The following LHFPL3 variants were observed in gnomAD, a reference collection of about 807,000 sequenced individuals.
The protein encoded by LHFPL3 is LHFPL tetraspan subfamily member 3.
A neutral mutation model predicts 19.3 loss-of-function variants in LHFPL3; 5 were observed. The ratio of observed to expected loss-of-function variants is 0.26; its 90% confidence interval spans 0.14 to 0.54. The LOEUF (loss-of-function observed/expected upper bound fraction) is 0.54, where lower values mean the gene tolerates loss of function less well. Among genes scored for constraint, LHFPL3 ranks in the 20% least tolerant of loss-of-function variants. LHFPL3 has a pLI of 0.94. For missense variants in LHFPL3, 249 were observed against 307.4 expected (o/e 0.81, Z 1.42); for synonymous variants, 133 against 126.2 (o/e 1.05, Z -0.36).
chr7:104,634,720 C>T (rs890218523), intron 1 of LHFPL3, among the ~76,000 whole-genome samples: 4 of 152,160 alleles, frequency 2.6e-5, no homozygotes. Flanking sequence ...CAAAGAACTA[C>T]AGGTCCTTAA....
chr7:104,821,024 T>A (rs2116523355), intron 2 of LHFPL3, among the ~76,000 whole-genome samples: 1 of 152,294 alleles, frequency 6.6e-6, no homozygotes, highest in African/African-American at 2.4e-5. Flanking sequence ...CCAAGAGGCC[T>A]GCCTCCCAAA....
In LHFPL3 at chr7:104,725,180, GT is replaced by G. The variant is rs570479042; in HGVS notation, c.446-11486del. On this transcript the variant is annotated intron_variant, in intron 1 of 2. Coordinates refer to ENST00000424859, the MANE Select transcript of LHFPL3 (RefSeq NM_199000.3). ...TTAATTCAGAGTTAATTCTACCTCTGTTTTTTTTTATCCCAATTTGTAACTT... is the reference window on the plus strand; with the variant it reads ...TTAATTCAGAGTTAATTCTACCTCTGTTTTTTTTATCCCAATTTGTAACTT... Among the ~76,000 whole-genome samples, 400 of 151,288 alleles carry G rather than the reference GT, an allele frequency of 2.6e-3. 6 individuals are homozygous for G. Among genetic ancestry groups the G allele is most frequent in the African/African-American group, 8.1e-3 (333 of 41,294 alleles).
intron 1 of LHFPL3, among the ~76,000 whole-genome samples, chr7:104,361,550 C>G (rs1299831936): frequency 6.6e-6 from 1 of 152,130 alleles, no homozygotes; most frequent in East Asian, 1.9e-4. Context: ...TGGCCCCGCA[C>G]TACTTTGTGA....
At chr7:104,696,881 G>A (rs2116157915) in intron 1 of LHFPL3, among the ~76,000 whole-genome samples, 1 of 152,272 alleles carries the variant, frequency 6.6e-6, no homozygotes, top group South Asian at 2.1e-4. Context: ...TGGGGCTTCT[G>A]TTTATAAGCC....
chr7:104,667,270 G>GGGA (rs1200374488), intron 1 of LHFPL3, among the ~76,000 whole-genome samples: 1 of 151,764 alleles, frequency 6.6e-6, no homozygotes, highest in Non-Finnish European at 1.5e-5. Flanking sequence ...TTCTTGGGGG[G>GGGA]GGGAATCTTT....
intron 1 of LHFPL3, among the ~76,000 whole-genome samples, chr7:104,510,550 A>T (rs970670084): frequency 1.2e-4 from 19 of 152,186 alleles, no homozygotes; most frequent in African/African-American, 4.6e-4. Context: ...CTCAACATGG[A>T]TTGCAGAGTT....
chr7:104,902,553 G>A (rs568576811), intron 2 of LHFPL3, among the ~76,000 whole-genome samples: 1 of 152,124 alleles, frequency 6.6e-6, no homozygotes, highest in African/African-American at 2.4e-5. Context: ...TTGGGAGGCC[G>A]AGGTGGGTGG....
At chr7:104,653,723 C>T (rs951628615) in intron 1 of LHFPL3, among the ~76,000 whole-genome samples, 6 of 152,182 alleles carry the variant, frequency 3.9e-5, no homozygotes, top group Non-Finnish European at 8.8e-5. Flanking sequence ...TTTCATAGAA[C>T]GCTTTGACAT....
rs529299715 is a variant in LHFPL3, at chr7:104,502,223, G to A, written c.445+172999G>A. ...CACATTGCTTTCTATGTTACATGAG[G>A]AAGCAAAATGCAACTTGCTTGCTAA... On this transcript the variant is annotated intron_variant, in intron 1 of 2. Coordinates refer to ENST00000424859, the MANE Select transcript of LHFPL3 (RefSeq NM_199000.3). 1.1e-4 allele frequency among the ~76,000 whole-genome samples: 17 copies of A among 152,280 alleles called. No individual in the cohort carries two copies. The South Asian group carries it at 3.3e-3, about 30-fold the overall frequency.
At chr7:104,400,022 T>C (rs935603913) in intron 1 of LHFPL3, among the ~76,000 whole-genome samples, 2 of 142,470 alleles carry the variant, frequency 1.4e-5, no homozygotes, top group Non-Finnish European at 3.0e-5. Flanking sequence ...AAGAATCCTT[T>C]GAACCTGGGA....
intron 1 of LHFPL3, among the ~76,000 whole-genome samples, chr7:104,382,672 C>G (rs1790851752): frequency 6.6e-6 from 1 of 152,132 alleles, no homozygotes; most frequent in South Asian, 2.1e-4. Flanking sequence ...TCTGTATGCC[C>G]CATATCTGTT....
At chr7:104,446,838 C>A (rs1016965704) in intron 1 of LHFPL3, among the ~76,000 whole-genome samples, 1 of 152,184 alleles carries the variant, frequency 6.6e-6, no homozygotes, top group East Asian at 1.9e-4. Flanking sequence ...TGAGCCACAA[C>A]ACCCGGCCGA....
rs71155528 is a variant in LHFPL3 at position 104,835,583 on chromosome 7, C to CTT, written c.683-70592_683-70591dup. 7.7e-3 allele frequency among the ~76,000 whole-genome samples: 1,114 copies of CTT among 143,768 alleles called. 7 individuals are homozygous for CTT. Among genetic ancestry groups the CTT allele is most frequent in the Middle Eastern group, 0.014 (4 of 276 alleles). 94.3% of individuals were successfully genotyped at this position (143,768 alleles called of 152,430 possible). ...TTCCTGTTCTCCAGAACTTTGTTTT[C>CTT]TTTTTTTTTTTTTGAGATGAAGACA... On this transcript the variant is annotated intron_variant, in intron 2 of 2. Transcript: ENST00000424859.
intron 1 of LHFPL3, among the ~76,000 whole-genome samples, chr7:104,384,226 A>G (rs546159659): frequency 6.6e-6 from 1 of 152,310 alleles, no homozygotes; most frequent in Non-Finnish European, 1.5e-5. Flanking sequence ...CCAAAAATTG[A>G]GAGATTAAAT....
chr7:104,797,849 G>A (rs1790162493), intron 2 of LHFPL3, among the ~76,000 whole-genome samples: 1 of 152,192 alleles, frequency 6.6e-6, no homozygotes, highest in African/African-American at 2.4e-5. Context: ...CCAGGAGGTA[G>A]AGGTTGCAGT....
At chr7:104,669,662 A>G in intron 1 of LHFPL3, 1 of 1,330,262 alleles carries the variant, frequency 7.5e-7, no homozygotes, top group Non-Finnish European at 1.0e-6. Context: ...AGACAAGACA[A>G]AATAAAACTC....
chr7:104,906,066 A>G, intron 2 of LHFPL3, 121 bp from the exon 3 acceptor site: 1 of 897,110 alleles, frequency 1.1e-6, no homozygotes. Flanking sequence ...ATGCATTTGA[A>G]CCATTCATTG....
chr7:104,663,792 T>C (rs910821069), intron 1 of LHFPL3, among the ~76,000 whole-genome samples: 2 of 152,208 alleles, frequency 1.3e-5, no homozygotes, highest in Non-Finnish European at 2.9e-5. Flanking sequence ...AATCCTATGA[T>C]TCTAGAATTG....
At chr7:104,579,426 T>G (rs1275003443) in intron 1 of LHFPL3, among the ~76,000 whole-genome samples, 1 of 152,194 alleles carries the variant, frequency 6.6e-6, no homozygotes, top group Non-Finnish European at 1.5e-5. Context: ...GGTTTTCTGT[T>G]TCTGCATTAA....
Sources: gnomAD v4.1 joint callset for allele counts (sites outside exome capture counted in the v4.1 genomes callset) on GRCh38, gnomAD v4.1.1 for gene constraint, MANE v1.5 for transcripts, NCBI Gene and HGNC (gene_info 2026-07-23, HGNC 2026-07-21) for gene names.